KCNK2: variants seen among roughly 807,000 people sequenced by gnomAD.
The protein encoded by KCNK2 is potassium two pore domain channel subfamily K member 2, also known as potassium channel subfamily K member 2.
Under a neutral mutation model 40.5 loss-of-function variants are expected in KCNK2, and 21 were observed. The observed-to-expected ratio is 0.52, with a 90% CI of 0.37 to 0.75. The LOEUF is 0.75. Ranked by LOEUF, KCNK2 falls within the 30% of genes least tolerant of loss-of-function variation. The pLI is 0.00. For missense variants in KCNK2, 399 were observed against 531.6 expected (o/e 0.75, Z 2.45); for synonymous variants, 191 against 202.2 (o/e 0.94, Z 0.47).
chr1:215,162,874 G>GTTT (rs148508487), intron 3 of KCNK2, among the ~76,000 whole-genome samples: 5 of 147,496 alleles, frequency 3.4e-5, no homozygotes, highest in African/African-American at 7.5e-5. Context: ...TGCCAGGTTT[G>GTTT]TTTTTTTTTT....
chr1:215,107,830 A>G (rs986409272), intron 2 of KCNK2, among the ~76,000 whole-genome samples: 1 of 152,154 alleles, frequency 6.6e-6, no homozygotes, highest in Non-Finnish European at 1.5e-5. Flanking sequence ...ATATTTGAAA[A>G]ACAATAGTAC....
intron 3 of KCNK2, among the ~76,000 whole-genome samples, chr1:215,150,947 A>G (rs986812234): frequency 6.6e-6 from 1 of 152,036 alleles, no homozygotes; most frequent in Non-Finnish European, 1.5e-5. Flanking sequence ...AAGAGAATTC[A>G]TCCAGTTGTG....
chr1:215,222,250 C>T (rs1666210613), intron 6 of KCNK2, among the ~76,000 whole-genome samples: 1 of 128,882 alleles, frequency 7.8e-6, no homozygotes, highest in South Asian at 3.1e-4. Flanking sequence ...ACTATATTAT[C>T]ATCTTTACAA....
intron 1 of KCNK2, among the ~76,000 whole-genome samples, chr1:215,060,675 G>A (rs543388372): frequency 6.6e-6 from 1 of 152,084 alleles, no homozygotes; most frequent in Non-Finnish European, 1.5e-5. Flanking sequence ...TGTTACTTTT[G>A]TATCAACTAG....
intron 5 of KCNK2, among the ~76,000 whole-genome samples, chr1:215,183,621 G>C (rs1428462730): frequency 6.6e-6 from 1 of 152,036 alleles, no homozygotes; most frequent in Non-Finnish European, 1.5e-5. Flanking sequence ...TACAATAATG[G>C]TAAAAGTAAG....
chr1:215,082,365 G>A (rs1315738467), upstream of KCNK2, among the ~76,000 whole-genome samples: 1 of 152,172 alleles, frequency 6.6e-6, no homozygotes, highest in Non-Finnish European at 1.5e-5. Context: ...CCACGAGGGC[G>A]AGGAGGACGC....
At chr1:215,005,862 T>G in exon 1 of KCNK2, 1 of 1,504,502 alleles carries the variant, frequency 6.6e-7, no homozygotes, top group South Asian at 1.1e-5. Context: ...CAAGAAACCT[T>G]GGAGGAAGAA....
chr1:215,083,316 A>C lies in KCNK2; in HGVS notation c.-70A>C. ...CCGTCTCTGAATAAGAAGTGAGTAC[A>C]ATGGCGTGTTTGTAAAAAAAAGCTT... On this transcript the variant is annotated 5_prime_UTR_variant, in exon 1 of 7. Transcript: ENST00000444842. The C allele has an allele frequency of 6.2e-7, 1 of 1,613,430 alleles. No homozygotes were observed. Among genetic ancestry groups the C allele is most frequent in the Non-Finnish European group, 8.5e-7 (1 of 1,179,732 alleles).
At chr1:215,130,272 G>A (rs1268177499) in intron 3 of KCNK2, among the ~76,000 whole-genome samples, 2 of 152,204 alleles carry the variant, frequency 1.3e-5, no homozygotes, top group Non-Finnish European at 2.9e-5. Context: ...CTGGGTTGGT[G>A]AATACTGGTG....
At chr1:215,222,229 C>T (rs1419619656) in intron 6 of KCNK2, among the ~76,000 whole-genome samples, 2 of 150,542 alleles carry the variant, frequency 1.3e-5, no homozygotes, top group East Asian at 3.9e-4. Context: ...TGGGTGGGGA[C>T]AACTATCCAA....
chr1:215,173,469 C>T (rs1275784927), intron 5 of KCNK2, among the ~76,000 whole-genome samples: 2 of 152,128 alleles, frequency 1.3e-5, no homozygotes, highest in Non-Finnish European at 2.9e-5. Flanking sequence ...ATTTATAATC[C>T]TTTGGGTATA....
chr1:215,086,680 T>C lies in KCNK2; in HGVS notation c.357+2T>C. On this transcript the variant is annotated splice_donor_variant, in intron 2 of 6. Transcript: ENST00000444842. LOFTEE classifies it high-confidence loss of function. ...ACGGAGCTGGATGAACTCATTCAGG[T>C]AATGGCATGGGAGGAGTTGTTACTC... 6.2e-7 allele frequency: 1 copy of C among 1,611,334 alleles called. No individual in the cohort carries two copies. Among genetic ancestry groups the C allele is most frequent in the Non-Finnish European group, 8.5e-7 (1 of 1,177,922 alleles).
intron 1 of KCNK2, among the ~76,000 whole-genome samples, chr1:215,039,042 G>A (rs779294851): frequency 3.3e-5 from 5 of 151,868 alleles, no homozygotes; most frequent in African/African-American, 9.7e-5. Context: ...TGACAATGTC[G>A]GTGAAATGAA....
intron 3 of KCNK2, among the ~76,000 whole-genome samples, chr1:215,137,579 C>A (rs1467376127): frequency 6.6e-6 from 1 of 152,046 alleles, no homozygotes; most frequent in Non-Finnish European, 1.5e-5. Flanking sequence ...AAATAGAATA[C>A]CTGATTTGAA....
chr1:215,007,037 ATGTGTG>A (rs1214318973), intron 1 of KCNK2, among the ~76,000 whole-genome samples: 6 of 51,600 alleles, frequency 1.2e-4, no homozygotes, highest in African/African-American at 3.7e-4. Flanking sequence ...ATATATATAT[ATGTGTG>A]TGTGTGTATA....
At chr1:215,153,463 G>T (rs1029192569) in intron 3 of KCNK2, among the ~76,000 whole-genome samples, 12 of 152,116 alleles carry the variant, frequency 7.9e-5, no homozygotes, top group African/African-American at 2.7e-4. Flanking sequence ...AGTCCTGGTA[G>T]GACCAATTAC....
In KCNK2 at chr1:215,083,192, G is replaced by GCCCCCCCCCCCCCCCCCCCCCCC; in HGVS notation, c.-193_-192insCCCCCCCCCCCCCCCCCCCCCCC. On this transcript the variant is annotated 5_prime_UTR_variant, in exon 1 of 7. Coordinates refer to ENST00000444842, the MANE Select transcript of KCNK2 (RefSeq NM_001017425.3). ...TTCCCGCGATTTCGTTTCTTCTCACGCTCCCCCCCCCGCCCCCTCCCGCGT... is the reference window on the plus strand; with the variant it reads ...TTCCCGCGATTTCGTTTCTTCTCACGCCCCCCCCCCCCCCCCCCCCCCCCTCCCCCCCCCGCCCCCTCCCGCGT... 1 of 959,182 alleles carries GCCCCCCCCCCCCCCCCCCCCCCC rather than the reference G, an allele frequency of 1.0e-6. No individual in the cohort carries two copies. Among genetic ancestry groups the GCCCCCCCCCCCCCCCCCCCCCCC allele is most frequent in the Non-Finnish European group, 1.5e-6 (1 of 647,964 alleles). 59.4% of individuals were successfully genotyped at this position (959,182 alleles called of 1,614,324 possible).
At chr1:215,234,592 T>C (rs1350371154) in intron 6 of KCNK2, among the ~76,000 whole-genome samples, 1 of 152,188 alleles carries the variant, frequency 6.6e-6, no homozygotes, top group African/African-American at 2.4e-5. Context: ...CCCTGAAATA[T>C]TGTTTGATTC....
At chr1:215,185,899 T>C (rs1664414194) in intron 5 of KCNK2, among the ~76,000 whole-genome samples, 1 of 152,258 alleles carries the variant, frequency 6.6e-6, no homozygotes, top group Non-Finnish European at 1.5e-5. Flanking sequence ...TTAAAGAATG[T>C]ATTCTTCAAA....
Sources: gnomAD v4.1 joint callset for allele counts (sites outside exome capture counted in the v4.1 genomes callset) on GRCh38, gnomAD v4.1.1 for gene constraint, MANE v1.5 for transcripts, NCBI Gene and HGNC (gene_info 2026-07-23, HGNC 2026-07-21) for gene names.